RGPD2: variants seen among roughly 807,000 people sequenced by gnomAD.
The protein encoded by RGPD2 is RANBP2 like and GRIP domain containing 2, also known as RANBP2-like and GRIP domain-containing protein 2.
A neutral mutation model predicts 36.0 loss-of-function variants in RGPD2; 2 were observed. The ratio of observed to expected loss-of-function variants is 0.06; its 90% CI spans 0.02 to 0.17. The LOEUF is 0.17. Ranked by LOEUF, RGPD2 falls within the 10% of genes least tolerant of loss-of-function variation. The pLI is 1.00. For synonymous variants in RGPD2, 19 were observed against 163.8 expected, an observed-to-expected ratio of 0.12 and a Z score of 6.75; for missense variants, 40 against 464.3, an observed-to-expected ratio of 0.09 and a Z score of 8.40.
chr2:87,853,352 A>C, the RGPD2 span, among the ~76,000 whole-genome samples: 3 of 152,190 alleles, frequency 2.0e-5, no homozygotes, highest in African/African-American at 7.2e-5. Context: ...CCTCCTGAGT[A>C]ACTAGGACTA....
chr2:87,805,458 C>CTTTTTTT (rs1465327069), intron 7 of RGPD2, among the ~76,000 whole-genome samples: 2 of 120,862 alleles, frequency 1.7e-5, no homozygotes. Context: ...TTTTCCCTCC[C>CTTTTTTT]CAAGCAAAAA....
intron 22 of RGPD2, among the ~76,000 whole-genome samples, chr2:87,758,209 AGTTTTGTTTT>A (rs769737738): frequency 2.0e-4 from 30 of 150,570 alleles, no homozygotes; most frequent in African/African-American, 6.8e-4. Context: ...TGCTTAGGCA[AGTTTTGTTTT>A]GTTTTGTTTT....
upstream of RGPD2, chr2:87,825,873 T>C: frequency 3.8e-6 from 4 of 1,050,360 alleles, no homozygotes; most frequent in Non-Finnish European, 5.3e-6. Context: ...GCGTCAGCAC[T>C]GTGTATCCTT....
chr2:87,865,484 T>A, the RGPD2 span, among the ~76,000 whole-genome samples: 56 of 152,298 alleles, frequency 3.7e-4, no homozygotes, highest in Admixed American at 3.7e-3. Context: ...GTCTAGACCT[T>A]ACAACTGAGA....
At chr2:87,974,068 G>C in the RGPD2 span, among the ~76,000 whole-genome samples, 1 of 151,326 alleles carries the variant, frequency 6.6e-6, no homozygotes, top group Non-Finnish European at 1.5e-5. Context: ...AGAGTTCTCC[G>C]GCCGCTCTGA....
chr2:87,772,992 CT>C (rs1306250007), intron 21 of RGPD2, among the ~76,000 whole-genome samples: 1 of 97,348 alleles, frequency 1.0e-5, no homozygotes, highest in Non-Finnish European at 2.1e-5. Flanking sequence ...CCTCTGCCTT[CT>C]ACTTTTGATA....
chr2:87,927,529 A>G, the RGPD2 span, among the ~76,000 whole-genome samples: 7 of 151,396 alleles, frequency 4.6e-5, no homozygotes, highest in Non-Finnish European at 8.9e-5. Flanking sequence ...TAAAGAAAAG[A>G]AAACAACAGA....
chr2:87,845,455 TAA>T, the RGPD2 span, among the ~76,000 whole-genome samples: 14 of 151,706 alleles, frequency 9.2e-5, no homozygotes, highest in African/African-American at 3.4e-4. Flanking sequence ...AAAGAAAATA[TAA>T]AGCTATTTTT....
the RGPD2 span, among the ~76,000 whole-genome samples, chr2:87,988,947 G>C: frequency 6.6e-6 from 1 of 151,802 alleles, no homozygotes; most frequent in Non-Finnish European, 1.5e-5. Flanking sequence ...AGCACACATA[G>C]AGTGGACATC....
chr2:87,933,766 A>G, the RGPD2 span, among the ~76,000 whole-genome samples: 3 of 148,394 alleles, frequency 2.0e-5, no homozygotes, highest in East Asian at 5.9e-4. Context: ...TTTCAGCTCT[A>G]TCAATCAGGT....
At chr2:87,873,088 G>A in the RGPD2 span, among the ~76,000 whole-genome samples, 1 of 152,190 alleles carries the variant, frequency 6.6e-6, no homozygotes, top group African/African-American at 2.4e-5. Context: ...GAGAACATGT[G>A]GTGTTTGGTT....
At chr2:87,985,219 T>C in the RGPD2 span, among the ~76,000 whole-genome samples, 1 of 149,976 alleles carries the variant, frequency 6.7e-6, no homozygotes, top group African/African-American at 2.5e-5. Flanking sequence ...ATGGTATAAG[T>C]ACAGAGTAGA....
the RGPD2 span, among the ~76,000 whole-genome samples, chr2:87,986,252 C>T: frequency 6.6e-6 from 1 of 151,306 alleles, no homozygotes; most frequent in South Asian, 2.1e-4. Flanking sequence ...TCTCCTGCCT[C>T]AGCCACCAAG....
the RGPD2 span, chr2:87,972,945 C>T: frequency 6.2e-7 from 1 of 1,614,060 alleles, no homozygotes; most frequent in South Asian, 1.1e-5. Flanking sequence ...AACTTGTTGG[C>T]CTATCATGGG....
intron 1 of RGPD2, chr2:87,825,069 A>G: frequency 2.6e-6 from 1 of 385,222 alleles, no homozygotes; most frequent in Non-Finnish European, 4.6e-6. Flanking sequence ...AAGCCCATAA[A>G]AATAAAAAAC....
the RGPD2 span, among the ~76,000 whole-genome samples, chr2:87,886,217 G>GC: frequency 6.6e-6 from 1 of 151,544 alleles, no homozygotes; most frequent in Non-Finnish European, 1.5e-5. Context: ...CTGCTGCCTG[G>GC]AACAGTCTTC....
chr2:87,927,670 A>G, the RGPD2 span, among the ~76,000 whole-genome samples: 4 of 151,534 alleles, frequency 2.6e-5, no homozygotes. Context: ...AGTTTATAGT[A>G]TCATGTCTTT....
At chr2:87,940,100 C>T in the RGPD2 span, among the ~76,000 whole-genome samples, 2 of 151,752 alleles carry the variant, frequency 1.3e-5, no homozygotes, top group Non-Finnish European at 2.9e-5. Flanking sequence ...ACTTGTGTCC[C>T]AAGCATATGG....
At chr2:87,958,522 A>T in the RGPD2 span, among the ~76,000 whole-genome samples, 2 of 152,300 alleles carry the variant, frequency 1.3e-5, no homozygotes, top group Non-Finnish European at 2.9e-5. Flanking sequence ...ATCTCCTATT[A>T]AAATGTTATG....
Sources: allele counts gnomAD v4.1 joint callset (sites outside exome capture counted in the v4.1 genomes callset), GRCh38; gene constraint gnomAD v4.1.1; transcripts MANE v1.5; gene names NCBI Gene and HGNC (gene_info 2026-07-23, HGNC 2026-07-21).